Variants in ANKRD20A1 observed in about 807,000 individuals in gnomAD.
ANKRD20A1 encodes ankyrin repeat domain-containing protein 20A1.
A neutral mutation model predicts 50.9 loss-of-function variants in ANKRD20A1; 2 were observed. The observed-to-expected ratio is 0.04, with a 90% confidence interval of 0.02 to 0.12. ANKRD20A1 has a LOEUF of 0.12. Ranked by LOEUF, ANKRD20A1 falls within the 10% of genes least tolerant of loss-of-function variation. The probability of loss-of-function intolerance (pLI) is 1.00; values close to 1 mark genes in which losing one functional copy is unlikely to be tolerated. For missense variants in ANKRD20A1, 31 were observed against 548.1 expected (o/e 0.06, Z 9.42); for synonymous variants, 10 against 186.2 (o/e 0.05, Z 7.70).
At chr9:67,863,745 C>A (rs1587594525) in intron 3 of ANKRD20A1, among the ~76,000 whole-genome samples, 3 of 34,184 alleles carry the variant, frequency 8.8e-5, no homozygotes, top group Admixed American at 2.5e-4. Context: ...AAAACTCAAA[C>A]AAAACTAAAG....
intron 9 of ANKRD20A1, among the ~76,000 whole-genome samples, chr9:67,885,564 T>G (rs1827868210): frequency 6.6e-6 from 1 of 152,312 alleles, no homozygotes. Flanking sequence ...GAGAAGAAAT[T>G]AATTCGAGAA....
rs1169055297 is a variant in ANKRD20A1 at position 67,897,937 on chromosome 9, CG to C, written c.1316+217del. ...GATTACAGGCATGTGCCACCATGCC[CG>C]GCTAATTTTTTGTATTTTTAGTAAA... is the stretch of plus-strand genomic sequence containing the variant. On this transcript the variant is annotated intron_variant, in intron 13 of 14. Transcript: ENST00000562196. Among the ~76,000 whole-genome samples the C allele has an allele frequency of 9.5e-5, 8 of 84,344 alleles. 2 individuals are homozygous for C. The highest frequency in any genetic ancestry group is 1.7e-4 in the Admixed American group (1 of 6,024). 55.3% of individuals were successfully genotyped at this position (84,344 alleles called of 152,430 possible).
At chr9:67,881,359 C>T (rs1564334247) in intron 8 of ANKRD20A1, among the ~76,000 whole-genome samples, 1 of 148,964 alleles carries the variant, frequency 6.7e-6, no homozygotes, top group Non-Finnish European at 1.5e-5. Context: ...TAAGGCACTT[C>T]ATCTAATTGA....
chr9:67,867,788 A>C (rs1199804833), intron 4 of ANKRD20A1, among the ~76,000 whole-genome samples: 1 of 105,256 alleles, frequency 9.5e-6, no homozygotes, highest in Non-Finnish European at 2.1e-5. Flanking sequence ...CCTCCCAAGT[A>C]GCTGGGACTA....
chr9:67,885,813 A>G (rs1319774696), intron 9 of ANKRD20A1, among the ~76,000 whole-genome samples: 1 of 152,300 alleles, frequency 6.6e-6, no homozygotes, highest in African/African-American at 2.4e-5. Context: ...ATGAGTACTC[A>G]GGTGATTTTT....
intron 8 of ANKRD20A1, among the ~76,000 whole-genome samples, chr9:67,882,813 T>C (rs1827821360): frequency 6.7e-6 from 1 of 149,378 alleles, no homozygotes; most frequent in Non-Finnish European, 1.5e-5. Flanking sequence ...CAGGCCCCAG[T>C]GTGTGATGTT....
At chr9:67,871,787 A>G (rs1827652747) in intron 6 of ANKRD20A1, among the ~76,000 whole-genome samples, 1 of 141,332 alleles carries the variant, frequency 7.1e-6, no homozygotes, top group Admixed American at 7.1e-5. Flanking sequence ...CTTCCTGATA[A>G]CATAAACAGT....
intron 8 of ANKRD20A1, among the ~76,000 whole-genome samples, chr9:67,881,051 A>G (rs2131555547): frequency 6.8e-6 from 1 of 146,376 alleles, no homozygotes; most frequent in South Asian, 2.3e-4. Flanking sequence ...TTGGTATCAT[A>G]TTGTTTTTAC....
intron 1 of ANKRD20A1, among the ~76,000 whole-genome samples, chr9:67,860,003 A>AT (rs756776386): frequency 0.31 from 4,100 of 13,204 alleles, 1,784 homozygotes; most frequent in Non-Finnish European, 0.54. Flanking sequence ...TTATATATAT[A>AT]TATTTTTTTT....
chr9:67,897,137 G>A (rs1828006817), intron 12 of ANKRD20A1, among the ~76,000 whole-genome samples: 1 of 102,880 alleles, frequency 9.7e-6, no homozygotes, highest in African/African-American at 2.9e-5. Context: ...GGCCTACAAG[G>A]TCACATCCTC....
At chr9:67,884,181 T>A (rs1827837080) in intron 8 of ANKRD20A1, among the ~76,000 whole-genome samples, 1 of 141,240 alleles carries the variant, frequency 7.1e-6, no homozygotes, top group African/African-American at 2.5e-5. Context: ...GAAGATTTAC[T>A]TGAGCCCAGG....
chr9:67,881,543 G>C (rs1427022659), intron 8 of ANKRD20A1, among the ~76,000 whole-genome samples: 1 of 152,060 alleles, frequency 6.6e-6, no homozygotes, highest in African/African-American at 2.4e-5. Flanking sequence ...GAGGTCGGTA[G>C]ATCACCTGAG....
At chr9:67,861,353 AATC>A (rs1348599643) in intron 1 of ANKRD20A1, among the ~76,000 whole-genome samples, 1 of 46,184 alleles carries the variant, frequency 2.2e-5, no homozygotes, top group Admixed American at 1.7e-4. Flanking sequence ...ATGCAAACAT[AATC>A]ATTTCATTTT....
chr9:67,882,371 T>C (rs1440801808), intron 8 of ANKRD20A1, among the ~76,000 whole-genome samples: 5 of 147,918 alleles, frequency 3.4e-5, no homozygotes, highest in African/African-American at 9.7e-5. Flanking sequence ...TAGCTAATAA[T>C]TAAATATTGT....
intron 3 of ANKRD20A1, among the ~76,000 whole-genome samples, chr9:67,865,730 T>A (rs1827555278): frequency 1.5e-5 from 2 of 134,710 alleles, no homozygotes; most frequent in African/African-American, 5.4e-5. Flanking sequence ...AGGCAGGTAT[T>A]CTCCAGTTTG....
At chr9:67,867,942 A>C (rs200587534) in intron 4 of ANKRD20A1, among the ~76,000 whole-genome samples, 1 of 118,910 alleles carries the variant, frequency 8.4e-6, no homozygotes, top group Non-Finnish European at 1.8e-5. Flanking sequence ...CAGGCATGAG[A>C]CACTGCACCT....
At chr9:67,882,333 T>C (rs1192131529) in intron 8 of ANKRD20A1, among the ~76,000 whole-genome samples, 1 of 151,034 alleles carries the variant, frequency 6.6e-6, no homozygotes, top group African/African-American at 2.4e-5. Context: ...TATAATGGAA[T>C]GTTATAAGTA....
At chr9:67,866,028 A>G (rs1827563865) in intron 3 of ANKRD20A1, among the ~76,000 whole-genome samples, 1 of 150,924 alleles carries the variant, frequency 6.6e-6, no homozygotes, top group Middle Eastern at 3.4e-3. Context: ...TCCTGGTTAT[A>G]GTTGGATAAT....
chr9:67,885,495 C>T (rs1456263532), intron 9 of ANKRD20A1, among the ~76,000 whole-genome samples: 1 of 152,310 alleles, frequency 6.6e-6, no homozygotes, highest in Non-Finnish European at 1.5e-5. Context: ...GTTGTAACCT[C>T]ATAGGATAGT....
Sources: gnomAD v4.1 joint callset for allele counts (sites outside exome capture counted in the v4.1 genomes callset) on GRCh38, gnomAD v4.1.1 for gene constraint, MANE v1.5 for transcripts, NCBI Gene and HGNC (gene_info 2026-07-23, HGNC 2026-07-21) for gene names.